The following MRPS28 variants were observed in gnomAD, a reference collection of about 807,000 sequenced individuals.
MRPS28 encodes the protein mitochondrial ribosomal protein S28.
A neutral mutation model predicts 10.8 loss-of-function variants in MRPS28; 7 were observed. The ratio of observed to expected loss-of-function variants is 0.65; its 90% CI spans 0.37 to 1.22. The LOEUF (loss-of-function observed/expected upper bound fraction) is 1.22. Ranked by LOEUF, MRPS28 falls within the 50% of genes most tolerant of loss-of-function variation. The pLI is 0.02. For synonymous variants in MRPS28, 121 were observed against 93.3 expected (o/e 1.30, Z -1.71); for missense variants, 265 against 232.9 (o/e 1.14, Z -0.90).
chr8:80,022,338 C>G (rs1809388985), intron 1 of MRPS28, among the ~76,000 whole-genome samples: 2 of 152,082 alleles, frequency 1.3e-5, no homozygotes. Context: ...TTTAACCATT[C>G]AACAGCTGAA....
chr8:79,932,773 C>G (rs890040073), intron 2 of MRPS28, among the ~76,000 whole-genome samples: 1 of 152,162 alleles, frequency 6.6e-6, no homozygotes, highest in Non-Finnish European at 1.5e-5. Context: ...TGTGCTGGCA[C>G]GCCACATTCC....
chr8:79,936,209 T>C (rs1308221103), intron 2 of MRPS28, among the ~76,000 whole-genome samples: 1 of 151,280 alleles, frequency 6.6e-6, no homozygotes, highest in Non-Finnish European at 1.5e-5. Flanking sequence ...GCTCTTGCAG[T>C]CCCAGCTACT....
At chr8:80,025,446 T>G (rs1809470717) in intron 1 of MRPS28, among the ~76,000 whole-genome samples, 1 of 152,128 alleles carries the variant, frequency 6.6e-6, no homozygotes, top group African/African-American at 2.4e-5. Flanking sequence ...ACAAATACAC[T>G]CTTGTAAGTA....
intron 1 of MRPS28, among the ~76,000 whole-genome samples, chr8:80,009,819 G>A (rs1289773919): frequency 6.6e-6 from 1 of 151,970 alleles, no homozygotes; most frequent in Non-Finnish European, 1.5e-5. Context: ...AGAAGCAATT[G>A]ACTTTATTCC....
At chr8:79,972,748 C>T (rs1195444376) in intron 2 of MRPS28, among the ~76,000 whole-genome samples, 2 of 152,180 alleles carry the variant, frequency 1.3e-5, no homozygotes, top group African/African-American at 4.8e-5. Context: ...AACTCAGATT[C>T]AGAGTTCGAA....
chr8:80,002,128 A>T (rs529161235), intron 2 of MRPS28, among the ~76,000 whole-genome samples: 23 of 152,256 alleles, frequency 1.5e-4, no homozygotes, highest in African/African-American at 5.5e-4. Flanking sequence ...AGCTCTCAGG[A>T]GAGAGGCAAC....
chr8:80,010,092 TGAA>T (rs1808995234), intron 1 of MRPS28, among the ~76,000 whole-genome samples: 1 of 152,220 alleles, frequency 6.6e-6, no homozygotes, highest in South Asian at 2.1e-4. Context: ...TTTTACATAT[TGAA>T]TTCACTTGAG....
At chr8:79,945,989 C>G (rs994691653) in intron 2 of MRPS28, among the ~76,000 whole-genome samples, 2 of 152,052 alleles carry the variant, frequency 1.3e-5, no homozygotes, top group Non-Finnish European at 2.9e-5. Context: ...CTGAGAAATC[C>G]TAAAAACCAC....
rs921541196 is a variant in MRPS28 at position 80,010,995 on chromosome 8, C to G, written c.214-7815G>C. Among the ~76,000 whole-genome samples, 10 of 152,276 alleles carry G rather than the reference C, an allele frequency of 6.6e-5. 1 individual carries two copies. Among genetic ancestry groups the G allele is most frequent in the African/African-American group, 2.2e-4 (9 of 41,564 alleles). On this transcript the variant is annotated intron_variant, in intron 1 of 2. Transcript: ENST00000276585. Reference sequence around the variant, plus strand: ...ACAACATTAAAGGTCCTTAAACAAGCACTTTGAAAATAGTTCTTTCTTGCA... The same window carrying G: ...ACAACATTAAAGGTCCTTAAACAAGGACTTTGAAAATAGTTCTTTCTTGCA...
Position 80,029,625 on chromosome 8 carries a change from A to G in MRPS28, c.213+411T>C, listed in dbSNP as rs907135244. 1.1e-5 allele frequency: 8 copies of G among 724,516 alleles called. No homozygotes were observed. In the East Asian group the frequency reaches 4.9e-4, roughly 45 times the overall value. 44.9% of individuals were successfully genotyped at this position (724,516 alleles called of 1,614,324 possible). A position where few individuals can be genotyped will look rare whatever the true frequency, so the allele number is the denominator to read the frequency against. On this transcript the variant is annotated intron_variant, in intron 1 of 2. Coordinates refer to ENST00000276585, the MANE Select transcript of MRPS28 (RefSeq NM_014018.3). ...GTTTATGAAGGGCCTTCTACTCCAG[A>G]CAGCAAGCTCCATGCTAGAGCTACT...
At chr8:80,028,649 C>CGGGGGGGGG (rs1391638801) in intron 1 of MRPS28, 2 of 4,542 alleles carry the variant, frequency 4.4e-4, no homozygotes, top group East Asian at 3.5e-3. Context: ...AGAAGACGGG[C>CGGGGGGGGG]GGGGGGGGCG....
chr8:80,019,913 C>T (rs1208236475), intron 1 of MRPS28, among the ~76,000 whole-genome samples: 6 of 152,166 alleles, frequency 3.9e-5, no homozygotes, highest in Admixed American at 2.6e-4. Flanking sequence ...GTTAAGGACA[C>T]GCCCATGACA....
At chr8:79,969,798 A>G (rs1807584981) in intron 2 of MRPS28, among the ~76,000 whole-genome samples, 2 of 152,206 alleles carry the variant, frequency 1.3e-5, no homozygotes, top group African/African-American at 4.8e-5. Flanking sequence ...AAACAGGAAA[A>G]CTAAATTGGT....
chr8:79,924,661 A>C (rs1438458785), intron 2 of MRPS28, among the ~76,000 whole-genome samples: 1 of 152,242 alleles, frequency 6.6e-6, no homozygotes, highest in Non-Finnish European at 1.5e-5. Context: ...GCAAACTTTT[A>C]AGCCTTTTTA....
rs1367958580 is a variant in MRPS28, at chr8:80,026,715, A to G, written c.213+3321T>C. On this transcript the variant is annotated intron_variant, in intron 1 of 2. Coordinates refer to ENST00000276585, the MANE Select transcript of MRPS28 (RefSeq NM_014018.3). Reference sequence around the variant, plus strand: ...CTCTGGCACCACAAGTTAACATATTAGTGATGACGAATGTCCTTACATTTG... The same window carrying G: ...CTCTGGCACCACAAGTTAACATATTGGTGATGACGAATGTCCTTACATTTG... 5.3e-5 allele frequency among the ~76,000 whole-genome samples: 8 copies of G among 152,186 alleles called. No individual in the cohort carries two copies. The East Asian group carries it at 1.5e-3, about 29-fold the overall frequency.
intron 2 of MRPS28, among the ~76,000 whole-genome samples, chr8:79,970,427 A>G (rs1400841899): frequency 6.6e-6 from 1 of 152,212 alleles, no homozygotes; most frequent in Admixed American, 6.5e-5. Context: ...ATATACCAAC[A>G]CAGAGGATAG....
At chr8:80,008,836 A>G (rs2130186788) in intron 1 of MRPS28, among the ~76,000 whole-genome samples, 1 of 152,340 alleles carries the variant, frequency 6.6e-6, no homozygotes, top group East Asian at 1.9e-4. Flanking sequence ...GGGACTGTAA[A>G]CTAGTTCAAC....
chr8:79,924,531 G>C (rs2129860607), intron 2 of MRPS28, among the ~76,000 whole-genome samples: 1 of 152,244 alleles, frequency 6.6e-6, no homozygotes, highest in East Asian at 1.9e-4. Context: ...CAGAGGGTCA[G>C]AAAAGACCTT....
intron 1 of MRPS28, among the ~76,000 whole-genome samples, chr8:80,005,967 G>C (rs1409486352): frequency 1.3e-5 from 2 of 152,182 alleles, no homozygotes; most frequent in Non-Finnish European, 2.9e-5. Context: ...CAATACAGGA[G>C]CACCCAGATT....
Sources: allele counts gnomAD v4.1 joint callset (sites outside exome capture counted in the v4.1 genomes callset), GRCh38; gene constraint gnomAD v4.1.1; transcripts MANE v1.5; gene names NCBI Gene and HGNC (gene_info 2026-07-23, HGNC 2026-07-21).